Variants in MAT1A observed in about 807,000 individuals in gnomAD.
The protein encoded by MAT1A is methionine adenosyltransferase 1A.
Under a neutral mutation model 44.0 loss-of-function variants are expected in MAT1A, and 19 were observed. The observed-to-expected ratio is 0.43, with a 90% CI of 0.30 to 0.63. The LOEUF is 0.63. Ranked by LOEUF, MAT1A falls within the 30% of genes least tolerant of loss-of-function variation. MAT1A has a pLI of 0.12. For synonymous variants in MAT1A, 205 were observed against 205.6 expected (o/e 1.00, Z 0.03); for missense variants, 397 against 531.0 (o/e 0.75, Z 2.48).
chr10:80,285,602 A>C lies in MAT1A; in HGVS notation c.92-13T>G, dbSNP rs1841639599. The C allele has an allele frequency of 6.4e-7, 1 of 1,568,856 alleles. No homozygotes were observed. Among genetic ancestry groups the C allele is most frequent in the African/African-American group, 1.4e-5 (1 of 73,840 alleles). On this transcript the variant is annotated splice_polypyrimidine_tract_variant and intron_variant, in intron 1 of 8. Transcript: ENST00000372213. ...TCACAGATCTTATCTGGACAAGAGC[A>C]AATATGGGTCAGAATCACAAAAATA...
intron 5 of MAT1A, 101 bp downstream of exon 5, chr10:80,280,072 T>A: frequency 7.2e-7 from 1 of 1,395,906 alleles, no homozygotes; most frequent in East Asian, 2.3e-5. Flanking sequence ...ATGCCCAGAT[T>A]GAATATTTCG....
At chr10:80,276,245 C>A in intron 6 of MAT1A, 131 bp downstream of exon 6, 2 of 914,898 alleles carry the variant, frequency 2.2e-6, no homozygotes, top group Non-Finnish European at 3.5e-6. Context: ...AATTCACCGA[C>A]TTTACATTTA....
rs1841431151 is a variant in MAT1A, at chr10:80,273,094, A to G, written c.*687T>C. The G allele has an allele frequency of 2.6e-5, 4 of 152,428 alleles. No homozygotes were observed. The South Asian group carries it at 8.3e-4, about 32-fold the overall frequency. 9.4% of individuals were successfully genotyped at this position (152,428 alleles called of 1,614,324 possible). A position where few individuals can be genotyped will look rare whatever the true frequency, so the allele number is the denominator to read the frequency against. On this transcript the variant is annotated 3_prime_UTR_variant, in exon 9 of 9. Transcript: ENST00000372213. ...GGCTCCTGAGTCAAAGCTCCTAGTTATACATCTAGGTCTAAACACGTGGCT... is the reference window on the plus strand; with the variant it reads ...GGCTCCTGAGTCAAAGCTCCTAGTTGTACATCTAGGTCTAAACACGTGGCT...
rs149151442 is a variant in MAT1A, at chr10:80,275,955, T to C, written c.768+421A>G. 3.0e-3 allele frequency among the ~76,000 whole-genome samples: 461 copies of C among 152,324 alleles called. 3 individuals carry two copies. Among genetic ancestry groups the C allele is most frequent in the African/African-American group, 0.011 (446 of 41,590 alleles). ...CCCTGTCTAAAACACCCTGTCCCAC[T>C]CTGGTGCCCACAACAGCCAGAGGCA... On this transcript the variant is annotated intron_variant, in intron 6 of 8. Transcript: ENST00000372213.
At chr10:80,276,186 G>C (rs994280943) in intron 6 of MAT1A, among the ~76,000 whole-genome samples, 190 bp downstream of exon 6, 1 of 152,186 alleles carries the variant, frequency 6.6e-6, no homozygotes, top group Non-Finnish European at 1.5e-5. Context: ...CACACTGTCA[G>C]ACACATAGCA....
At chr10:80,281,518 C>G (rs751431711) in intron 3 of MAT1A, among the ~76,000 whole-genome samples, 2 of 152,238 alleles carry the variant, frequency 1.3e-5, no homozygotes, top group Non-Finnish European at 2.9e-5. Flanking sequence ...GCACCGAGAC[C>G]GTGCGCACCT....
intron 3 of MAT1A, 53 bp downstream of exon 3, chr10:80,283,863 G>T: frequency 6.2e-7 from 1 of 1,612,448 alleles, no homozygotes; most frequent in South Asian, 1.1e-5. Flanking sequence ...CAGCACTGGG[G>T]TCTCTATCAG....
At chr10:80,275,517 G>A in intron 6 of MAT1A, 1 of 432,440 alleles carries the variant, frequency 2.3e-6, no homozygotes, top group Non-Finnish European at 4.3e-6. Context: ...CCAACTGCAG[G>A]CAGGAACTGC....
Position 80,284,033 on chromosome 10 carries a change from C to G in MAT1A, c.175G>C (p.Val59Leu). 6.2e-7 allele frequency: 1 copy of G among 1,614,126 alleles called. No individual in the cohort carries two copies. The highest frequency in any genetic ancestry group is 8.5e-7 in the Non-Finnish European group (1 of 1,180,002). The change falls in exon 3 of 9, where the codon GTG becomes CTG. Residue 59 changes from valine to leucine, a missense_variant. Physicochemically the swap from Val to Leu is conservative, Grantham distance 32 (BLOSUM62 1). Coordinates refer to ENST00000372213, the MANE Select transcript of MAT1A (RefSeq NM_000429.3). Reference protein sequence around the residue: ...DPNAKVACETVCKTGMVLLCG... With the variant: ...DPNAKVACETLCKTGMVLLCG... ...AGCAGCACCATGCCGGTCTTGCACA[C>G]TGTCTCTGAAAGGGAGCGGGGAGCG... is the stretch of plus-strand genomic sequence containing the variant.
chr10:80,286,092 G>C (rs943790194), intron 1 of MAT1A, among the ~76,000 whole-genome samples: 1 of 152,174 alleles, frequency 6.6e-6, no homozygotes, highest in East Asian at 1.9e-4. Context: ...GCCTCTGAAA[G>C]TGCTGGGATT....
At chr10:80,274,271 C>T (rs1367302951) in intron 8 of MAT1A, among the ~76,000 whole-genome samples, 1 of 152,200 alleles carries the variant, frequency 6.6e-6, no homozygotes, top group African/African-American at 2.4e-5. Context: ...CCGCCTGCCT[C>T]CCAGTTGCTC....
chr10:80,289,573 T>C lies in MAT1A; in HGVS notation c.-150A>G. 1.4e-6 allele frequency: 1 copy of C among 698,116 alleles called. No individual in the cohort carries two copies. The highest frequency in any genetic ancestry group is 1.5e-5 in the South Asian group (1 of 66,690). The allele number at this position is 698,116 out of a possible 1,614,324, so 43.2% of individuals were successfully genotyped here. The stretch of plus-strand genomic sequence containing the variant: ...CGGGGATCACTTCTGCCTAACTGCC[T>C]GTGAGCACGTGAGAACAGGCGAGGA... On this transcript the variant is annotated 5_prime_UTR_variant, in exon 1 of 9. Coordinates refer to ENST00000372213, the MANE Select transcript of MAT1A (RefSeq NM_000429.3).
intron 3 of MAT1A, among the ~76,000 whole-genome samples, chr10:80,281,740 A>G (rs1226963605): frequency 1.3e-5 from 2 of 152,238 alleles, no homozygotes; most frequent in African/African-American, 4.8e-5. Flanking sequence ...TACAAGCTTC[A>G]GGTGGGGATC....
chr10:80,285,632 G>A, intron 1 of MAT1A, 43 bp from the exon 2 acceptor site: 1 of 1,306,554 alleles, frequency 7.7e-7, no homozygotes. Flanking sequence ...AAAATATTCG[G>A]GATAACAAAT....
rs1451246600 is a variant in MAT1A at position 80,275,040 on chromosome 10, G to A, written c.928C>T (p.Leu310Phe). ...WVAKSLVKAG[L>F]CRRVLVQVSY... ...ACCTGGACAAGCACTCTCCGGCAGA[G>A]CCCTGCTTTCACCAGAGACTTGGCC... Residue 310 changes from leucine to phenylalanine, a missense_variant, in exon 7 of 9, where the codon CTC becomes TTC. Coordinates refer to ENST00000372213, the MANE Select transcript of MAT1A (RefSeq NM_000429.3). The A allele has an allele frequency of 4.5e-6, 7 of 1,558,068 alleles. No homozygotes were observed. Among genetic ancestry groups the A allele is most frequent in the Non-Finnish European group, 5.2e-6 (6 of 1,151,620 alleles).
intron 3 of MAT1A, among the ~76,000 whole-genome samples, chr10:80,282,440 A>C (rs991548009): frequency 6.6e-6 from 1 of 152,120 alleles, no homozygotes; most frequent in African/African-American, 2.4e-5. Context: ...GCTCTCGCTC[A>C]TTTCTCCCTT....
intron 5 of MAT1A, among the ~76,000 whole-genome samples, chr10:80,279,151 G>A (rs1391737330): frequency 1.3e-5 from 2 of 152,192 alleles, no homozygotes; most frequent in Non-Finnish European, 2.9e-5. Flanking sequence ...TAAAAATGAG[G>A]CCTAAAGGGG....
chr10:80,283,809 G>A (rs1407305946), intron 3 of MAT1A, 107 bp downstream of exon 3: 6 of 1,525,310 alleles, frequency 3.9e-6, no homozygotes, highest in Admixed American at 1.7e-5. Flanking sequence ...TTTCCTCCTG[G>A]TAGTATTGAT....
At position 80,289,608 on chromosome 10, in the gene MAT1A, AGGGAGGGAGTGGATGGAACAC is replaced by A. The variant is rs1469985133; in HGVS notation, c.-206_-186del. The A allele has an allele frequency of 1.5e-6, 1 of 649,314 alleles. No homozygotes were observed. The highest frequency in any genetic ancestry group is 2.8e-6 in the Non-Finnish European group (1 of 356,270). 40.2% of individuals were successfully genotyped at this position (649,314 alleles called of 1,614,324 possible). Reference sequence around the variant, plus strand: ...TGAGAACAGGCGAGGACTGCTGAGAAGGGAGGGAGTGGATGGAACACGGGATGTGTCCCTCCCTCCAGCTTG... The same window carrying A: ...TGAGAACAGGCGAGGACTGCTGAGAAGGGATGTGTCCCTCCCTCCAGCTTG... On this transcript the variant is annotated 5_prime_UTR_variant, in exon 1 of 9. Coordinates refer to ENST00000372213, the MANE Select transcript of MAT1A (RefSeq NM_000429.3).
Sources: allele counts gnomAD v4.1 joint callset (sites outside exome capture counted in the v4.1 genomes callset), GRCh38; gene constraint gnomAD v4.1.1; transcripts MANE v1.5; gene names NCBI Gene and HGNC (gene_info 2026-07-23, HGNC 2026-07-21).